The following PTPRD variants were observed in gnomAD, a reference collection of about 807,000 sequenced individuals.
The protein encoded by PTPRD is receptor-type tyrosine-protein phosphatase delta.
In PTPRD, 34 loss-of-function variants were observed where a neutral mutation model predicts 214.5. The observed-to-expected ratio is 0.16, with a 90% CI of 0.12 to 0.21. The LOEUF is 0.21. PTPRD is among the 10% of genes least tolerant of loss of function. The probability of loss-of-function intolerance (pLI) is 1.00; values close to 1 mark genes in which losing one functional copy is unlikely to be tolerated. For synonymous variants in PTPRD, 1,128 were observed against 845.7 expected (o/e 1.33, Z -5.79); for missense variants, 2,545 against 2,398.7 (o/e 1.06, Z -1.27).
At position 8,518,080 on chromosome 9, in the gene PTPRD, C is replaced by T. The variant is rs1004993068; in HGVS notation, c.1311G>A (p.Gln437=). ...RMLSSTTILV[Q]WKEPEEPNGQ... ...CATTTGGCTCTTCAGGTTCCTTCCACTGTACCAAAATGGTGGTCGAACTCA... is the reference window on the plus strand; with the variant it reads ...CATTTGGCTCTTCAGGTTCCTTCCATTGTACCAAAATGGTGGTCGAACTCA... The change falls in exon 21 of 46, where the codon CAG becomes CAA. Residue 437 remains glutamine, a synonymous_variant. Coordinates refer to ENST00000381196, the MANE Select transcript of PTPRD (RefSeq NM_002839.4). 3.7e-6 allele frequency: 6 copies of T among 1,614,088 alleles called. No homozygotes were observed. The African/African-American group carries it at 8.0e-5, about 22-fold the overall frequency.
intron 11 of PTPRD, among the ~76,000 whole-genome samples, chr9:8,894,058 G>A (rs568607698): frequency 1.3e-5 from 2 of 151,956 alleles, no homozygotes; most frequent in Non-Finnish European, 1.5e-5. Flanking sequence ...GCAGCAATAA[G>A]AATAACCAAT....
intron 14 of PTPRD, among the ~76,000 whole-genome samples, chr9:8,542,143 C>A (rs1593204221): frequency 6.6e-6 from 1 of 152,110 alleles, no homozygotes; most frequent in African/African-American, 2.4e-5. Flanking sequence ...GGATTGCGAT[C>A]TTTTTCCAAA....
intron 8 of PTPRD, among the ~76,000 whole-genome samples, chr9:9,555,957 G>T: frequency 6.6e-6 from 1 of 152,106 alleles, no homozygotes; most frequent in Middle Eastern, 3.4e-3. Context: ...TATTTTTTGT[G>T]TCTTAAATTA....
intron 11 of PTPRD, among the ~76,000 whole-genome samples, chr9:8,808,277 G>C (rs1315382595): frequency 1.3e-5 from 2 of 152,168 alleles, no homozygotes; most frequent in African/African-American, 4.8e-5. Flanking sequence ...AGCAACCACA[G>C]TGCTGCTCCC....
chr9:8,748,042 C>G (rs1015227970), intron 11 of PTPRD, among the ~76,000 whole-genome samples: 1 of 152,180 alleles, frequency 6.6e-6, no homozygotes, highest in African/African-American at 2.4e-5. Context: ...GGCCTGCTAG[C>G]CCATGCTCCG....
intron 12 of PTPRD, among the ~76,000 whole-genome samples, chr9:8,682,360 G>C (rs1302076467): frequency 6.6e-6 from 1 of 151,548 alleles, no homozygotes; most frequent in East Asian, 1.9e-4. Context: ...GCCTGAACTT[G>C]GGCTTTAAAT....
At chr9:9,936,261 CA>C (rs549281463) in intron 5 of PTPRD, among the ~76,000 whole-genome samples, 8,101 of 148,346 alleles carry the variant, frequency 0.055, 361 homozygotes, top group East Asian at 0.16. Context: ...TTCTGCACAG[CA>C]AAAGAAACTA....
At chr9:9,887,391 TG>T (rs1263231123) in intron 5 of PTPRD, among the ~76,000 whole-genome samples, 1 of 152,106 alleles carries the variant, frequency 6.6e-6, no homozygotes, top group Non-Finnish European at 1.5e-5. Context: ...TCTCCTGCAG[TG>T]AAAATGCAAA....
chr9:10,486,022 T>C (rs2132420797), intron 2 of PTPRD, among the ~76,000 whole-genome samples: 1 of 129,406 alleles, frequency 7.7e-6, no homozygotes, highest in Admixed American at 8.2e-5. Context: ...TTTTCCCACT[T>C]TTTGATGTTT....
At chr9:8,845,031 G>C (rs554292773) in intron 11 of PTPRD, among the ~76,000 whole-genome samples, 1 of 152,110 alleles carries the variant, frequency 6.6e-6, no homozygotes, top group African/African-American at 2.4e-5. Context: ...AAGTATAATA[G>C]TGCTTTACTC....
intron 10 of PTPRD, among the ~76,000 whole-genome samples, chr9:9,078,194 C>T (rs948687562): frequency 6.6e-6 from 1 of 151,966 alleles, no homozygotes; most frequent in Non-Finnish European, 1.5e-5. Context: ...CAAGACATAA[C>T]ATTATGTAAA....
chr9:8,768,668 A>G (rs1207729933), intron 11 of PTPRD, among the ~76,000 whole-genome samples: 1 of 152,194 alleles, frequency 6.6e-6, no homozygotes, highest in East Asian at 1.9e-4. Flanking sequence ...ACTACAGAAG[A>G]CTACTGTTGT....
At chr9:9,184,263 A>T (rs929503101) in intron 9 of PTPRD, among the ~76,000 whole-genome samples, 4 of 152,040 alleles carry the variant, frequency 2.6e-5, no homozygotes, top group Admixed American at 2.0e-4. Flanking sequence ...AAAATGGCTA[A>T]CTGTTCACCA....
chr9:10,142,018 T>C (rs1379252535), intron 3 of PTPRD, among the ~76,000 whole-genome samples: 1 of 152,054 alleles, frequency 6.6e-6, no homozygotes, highest in Non-Finnish European at 1.5e-5. Flanking sequence ...AAACAAGCAA[T>C]GGGGAAAGGA....
chr9:10,189,530 C>G (rs995791664), intron 3 of PTPRD, among the ~76,000 whole-genome samples: 1 of 152,064 alleles, frequency 6.6e-6, no homozygotes, highest in African/African-American at 2.4e-5. Context: ...TATATTCCAC[C>G]CTTGGAAGAG....
intron 12 of PTPRD, among the ~76,000 whole-genome samples, chr9:8,650,609 T>C (rs1422260154): frequency 6.6e-6 from 1 of 151,588 alleles, no homozygotes; most frequent in Non-Finnish European, 1.5e-5. Context: ...TAAAGTTGAC[T>C]TGCCTATACA....
At chr9:10,348,793 G>C (rs2097132884) in intron 2 of PTPRD, among the ~76,000 whole-genome samples, 1 of 152,122 alleles carries the variant, frequency 6.6e-6, no homozygotes, top group Non-Finnish European at 1.5e-5. Flanking sequence ...GAAAAGTCCA[G>C]CTGGGAACTT....
At position 8,359,344 on chromosome 9, in the gene PTPRD, A is replaced by C. The variant is rs1451085102; in HGVS notation, c.4661+16592T>G. On this transcript the variant is annotated intron_variant, in intron 39 of 45. Transcript: ENST00000381196. ...GAATTTTATTATTTCATTATTTTTG[A>C]GACTGAGCCTCGCTCTGTTGCCCAG... is the stretch of plus-strand genomic sequence containing the variant. Among the ~76,000 whole-genome samples the C allele has an allele frequency of 2.0e-5, 3 of 151,790 alleles. No individual in the cohort carries two copies. The East Asian group carries it at 5.8e-4, about 30-fold the overall frequency.
At chr9:10,432,930 AT>A (rs1223750992) in intron 2 of PTPRD, among the ~76,000 whole-genome samples, 1 of 151,620 alleles carries the variant, frequency 6.6e-6, no homozygotes, top group African/African-American at 2.4e-5. Context: ...TCCCCTTTTC[AT>A]TTGCTATCAC....
Sources: gnomAD v4.1 joint callset for allele counts (sites outside exome capture counted in the v4.1 genomes callset) on GRCh38, gnomAD v4.1.1 for gene constraint, MANE v1.5 for transcripts, NCBI Gene and HGNC (gene_info 2026-07-23, HGNC 2026-07-21) for gene names.